The following MRPL37 variants were observed in gnomAD, a reference collection of about 807,000 sequenced individuals.
The protein encoded by MRPL37 is mitochondrial ribosomal protein L37.
In MRPL37, 34 loss-of-function variants were observed where a neutral mutation model predicts 44.1. The observed-to-expected ratio is 0.77, with a 90% CI of 0.59 to 1.03. The LOEUF (loss-of-function observed/expected upper bound fraction) is 1.03, where lower values mean the gene tolerates loss of function less well. Ranked by LOEUF, MRPL37 falls within the 50% of genes least tolerant of loss-of-function variation. MRPL37 has a pLI of 0.00. For missense variants in MRPL37, 532 were observed against 543.7 expected (o/e 0.98, Z 0.21); for synonymous variants, 212 against 219.5 (o/e 0.97, Z 0.30).
chr1:54,201,135 T>C (rs1211847288), intron 1 of MRPL37, among the ~76,000 whole-genome samples: 2 of 152,196 alleles, frequency 1.3e-5, no homozygotes, highest in Non-Finnish European at 2.9e-5. Flanking sequence ...CAGAAATTAT[T>C]TTCCAGAGTC....
chr1:54,217,303 C>A (rs1644204806), intron 6 of MRPL37, among the ~76,000 whole-genome samples: 2 of 152,196 alleles, frequency 1.3e-5, no homozygotes, highest in South Asian at 4.1e-4. Context: ...TTTGCTTTGG[C>A]CCCAGACACC....
intron 5 of MRPL37, among the ~76,000 whole-genome samples, chr1:54,214,013 T>C (rs967801249): frequency 6.6e-6 from 1 of 152,188 alleles, no homozygotes; most frequent in Non-Finnish European, 1.5e-5. Flanking sequence ...CGAAACCCCA[T>C]CTCTACTAAA....
intron 5 of MRPL37, among the ~76,000 whole-genome samples, chr1:54,213,943 G>A (rs534316007): frequency 6.6e-6 from 1 of 152,344 alleles, no homozygotes; most frequent in African/African-American, 2.4e-5. Flanking sequence ...AGCACTTTGG[G>A]AGGCCAAGGT....
chr1:54,201,299 A>G (rs1232485628), intron 1 of MRPL37, among the ~76,000 whole-genome samples: 2 of 152,224 alleles, frequency 1.3e-5, no homozygotes, highest in Non-Finnish European at 2.9e-5. Context: ...AAATCTGGCA[A>G]GATTGGGGGA....
chr1:54,224,400 T>TAGTCCGTGCACG (rs1214960344), downstream of MRPL37, among the ~76,000 whole-genome samples: 129 of 152,342 alleles, frequency 8.5e-4, no homozygotes, highest in Non-Finnish European at 2.1e-4. Flanking sequence ...ATGCTGCTCT[T>TAGTCCGTGCACG]AGTCCGTGCA....
Position 54,205,291 on chromosome 1 carries a change from C to T in MRPL37, c.531-4C>T, listed in dbSNP as rs201083345. ...GTCCCCAAATGTCTCTTTTTGTCTT[C>T]AAGCCCGGTCATCGTGGACAACCTA... On this transcript the variant is annotated splice_polypyrimidine_tract_variant and splice_region_variant and intron_variant, in intron 2 of 6. Coordinates refer to ENST00000360840, the MANE Select transcript of MRPL37 (RefSeq NM_016491.4). 199 of 1,612,064 alleles carry T rather than the reference C, an allele frequency of 1.2e-4. No individual in the cohort carries two copies. The highest frequency in any genetic ancestry group is 3.3e-4 in the Middle Eastern group (2 of 6,058).
downstream of MRPL37, among the ~76,000 whole-genome samples, chr1:54,221,819 ACCT>A (rs1258547166): frequency 2.6e-5 from 4 of 152,110 alleles, no homozygotes; most frequent in Non-Finnish European, 5.9e-5. Context: ...CTCACCGTAG[ACCT>A]CCTTTGGGGG....
chr1:54,218,831 T>C (rs1644215098), downstream of MRPL37, among the ~76,000 whole-genome samples: 1 of 152,222 alleles, frequency 6.6e-6, no homozygotes, highest in South Asian at 2.1e-4. Context: ...ACCTGATACA[T>C]AGCATATTTA....
chr1:54,211,906 T>A (rs1644168010), intron 4 of MRPL37, among the ~76,000 whole-genome samples: 1 of 152,268 alleles, frequency 6.6e-6, no homozygotes, highest in African/African-American at 2.4e-5. Flanking sequence ...AAGAGAATCA[T>A]GACTTGACAA....
At position 54,205,367 on chromosome 1, in the gene MRPL37, G is replaced by T. The variant is rs746940280; in HGVS notation, c.603G>T (p.Arg201Ser). The change falls in exon 3 of 7, where the codon AGG (arginine) becomes AGT (serine). Residue 201 changes from arginine (R) to serine (S), a missense_variant. By Grantham distance (110) the Arg-to-Ser change is moderately radical. Coordinates refer to ENST00000360840, the MANE Select transcript of MRPL37 (RefSeq NM_016491.4). ...QILKHPSLAR[R>S]ICVQNSTFSA... ...TCAAGCATCCTTCTCTGGCCAGGAG[G>T]ATCTGTGTCCAAAACTCCACGTTTT... is the stretch of plus-strand genomic sequence containing the variant. The T allele has an allele frequency of 2.5e-6, 4 of 1,614,076 alleles. No homozygotes were observed. Among genetic ancestry groups the T allele is most frequent in the Non-Finnish European group, 3.4e-6 (4 of 1,179,988 alleles).
chr1:54,223,173 C>G (rs1644247494), downstream of MRPL37, among the ~76,000 whole-genome samples: 1 of 152,224 alleles, frequency 6.6e-6, no homozygotes, highest in African/African-American at 2.4e-5. Flanking sequence ...CAACCCCCAG[C>G]CCCAACTCCA....
chr1:54,209,520 C>T (rs554074799), intron 3 of MRPL37, among the ~76,000 whole-genome samples: 9 of 150,860 alleles, frequency 6.0e-5, no homozygotes, highest in African/African-American at 1.5e-4. Context: ...AGTGCAGTGC[C>T]GTCATCTCAG....
downstream of MRPL37, among the ~76,000 whole-genome samples, chr1:54,219,578 C>T (rs1557735766): frequency 5.3e-5 from 8 of 152,242 alleles, no homozygotes; most frequent in African/African-American, 1.7e-4. Context: ...CCTGGGGCTC[C>T]GGGTACTCTG....
chr1:54,219,442 A>T (rs1227501903), downstream of MRPL37, among the ~76,000 whole-genome samples: 2 of 152,198 alleles, frequency 1.3e-5, no homozygotes, highest in African/African-American at 2.4e-5. Flanking sequence ...GAAAAGCAGC[A>T]AGGCACAGAG....
Position 54,208,369 on chromosome 1 carries a change from G to C in MRPL37, c.647-1577G>C, listed in dbSNP as rs199771738. On this transcript the variant is annotated intron_variant, in intron 3 of 6. Transcript: ENST00000360840. ...CATCCTGGCTATCACGGTGAAACCC[G>C]GTCTCTACTAAAAATACAAAAACAA... 2.1e-4 allele frequency among the ~76,000 whole-genome samples: 32 copies of C among 151,804 alleles called. No homozygotes were observed. The South Asian group carries it at 4.4e-3, about 21-fold the overall frequency.
At chr1:54,224,975 C>T (rs537574744), downstream of MRPL37, 11 of 680,358 alleles carry the variant, frequency 1.6e-5, no homozygotes, top group Admixed American at 8.7e-5. Context: ...TGCCAACAGT[C>T]GCCAACAGCA....
Position 54,212,597 on chromosome 1 carries a change from G to A in MRPL37, c.929G>A (p.Arg310Gln), listed in dbSNP as rs201548603. The change falls in exon 5 of 7, where the codon CGG (arginine) becomes CAG (glutamine). Residue 310 changes from arginine (R) to glutamine (Q), a missense_variant. Coordinates refer to ENST00000360840, the MANE Select transcript of MRPL37 (RefSeq NM_016491.4). The stretch of plus-strand genomic sequence containing the variant: ...CACCGCCTTCAACCAGATCAGCTGC[G>A]GGCCAAGATGATCCTGTTTGCTTTT... The part of the protein sequence containing the change: ...RPHRLQPDQL[R>Q]AKMILFAFGS... 1.2e-5 allele frequency: 20 copies of A among 1,614,076 alleles called. No homozygotes were observed. The highest frequency in any genetic ancestry group is 2.7e-5 in the African/African-American group (2 of 74,912).
downstream of MRPL37, chr1:54,225,101 G>A: frequency 8.1e-7 from 1 of 1,234,314 alleles, no homozygotes; most frequent in Non-Finnish European, 1.0e-6. Context: ...GAGGGCACCA[G>A]GAGGAACCTT....
chr1:54,217,484 C>T (rs560047822), intron 6 of MRPL37, among the ~76,000 whole-genome samples: 27 of 152,338 alleles, frequency 1.8e-4, no homozygotes, highest in African/African-American at 6.5e-4. Flanking sequence ...CTCACCTCTG[C>T]AGCCTCATCT....
Sources: allele counts gnomAD v4.1 joint callset (sites outside exome capture counted in the v4.1 genomes callset), GRCh38; gene constraint gnomAD v4.1.1; transcripts MANE v1.5; gene names NCBI Gene and HGNC (gene_info 2026-07-23, HGNC 2026-07-21).